Variants in NR2C2 observed in about 807,000 individuals in gnomAD.
NR2C2 encodes the protein nuclear receptor subfamily 2 group C member 2, also known as Nuclear hormone receptor TR4.
NR2C2 carries 6 observed loss-of-function variants against 62.9 expected under a neutral mutation model. That is an observed-to-expected ratio of 0.10 (90% CI 0.05 to 0.19). The LOEUF (loss-of-function observed/expected upper bound fraction) is 0.19. NR2C2 is among the 10% of genes least tolerant of loss of function. The pLI is 1.00. For missense variants in NR2C2, 479 were observed against 762.7 expected (o/e 0.63, Z 4.38); for synonymous variants, 272 against 273.8 (o/e 0.99, Z 0.07).
Position 15,038,149 on chromosome 3 carries a change from G to T in NR2C2, c.1510+12G>T, listed in dbSNP as rs769365377. On this transcript the variant is annotated intron_variant, in intron 12 of 13. Coordinates refer to ENST00000425241, the MANE Select transcript of NR2C2 (RefSeq NM_001291694.2). ...TCTCTTTAGCCCCGGTAAGATATGC[G>T]GTGGGGATGCATGACCCCTTTCCAC... 3.7e-6 allele frequency: 6 copies of T among 1,602,130 alleles called. No individual in the cohort carries two copies. The highest frequency in any genetic ancestry group is 5.1e-6 in the Non-Finnish European group (6 of 1,173,422).
intron 1 of NR2C2, among the ~76,000 whole-genome samples, chr3:14,965,522 CAAAAAAAAAAAAA>C (rs545143806): frequency 2.5e-5 from 2 of 79,674 alleles, no homozygotes; most frequent in African/African-American, 4.0e-5. Flanking sequence ...TTTCCCATGG[CAAAAAAAAAAAAA>C]AAAAAAAAAA....
At chr3:14,964,081 G>A (rs1054583602) in intron 1 of NR2C2, among the ~76,000 whole-genome samples, 2 of 152,052 alleles carry the variant, frequency 1.3e-5, no homozygotes, top group African/African-American at 4.8e-5. Context: ...GTTATCAGTG[G>A]GTTCTTGGAA....
At chr3:15,036,183 A>G (rs1363805166) in intron 11 of NR2C2, among the ~76,000 whole-genome samples, 1 of 151,998 alleles carries the variant, frequency 6.6e-6, no homozygotes, top group Non-Finnish European at 1.5e-5. Context: ...GAGCGAAACT[A>G]TTTCAAAACA....
intron 1 of NR2C2, among the ~76,000 whole-genome samples, chr3:14,984,740 G>A (rs1337695166): frequency 6.6e-6 from 1 of 152,036 alleles, no homozygotes; most frequent in East Asian, 1.9e-4. Context: ...AACTAAAGTT[G>A]CTGTGAACAT....
intron 2 of NR2C2, among the ~76,000 whole-genome samples, chr3:15,007,159 G>A (rs1192383215): frequency 7.9e-5 from 10 of 126,738 alleles, no homozygotes; most frequent in South Asian, 5.0e-4. Context: ...GCGGAGTCTC[G>A]CTCTGTCGCC....
intron 1 of NR2C2, among the ~76,000 whole-genome samples, chr3:14,950,995 A>G (rs970624535): frequency 2.6e-5 from 4 of 152,338 alleles, no homozygotes; most frequent in South Asian, 4.1e-4. Flanking sequence ...ACCCATTTCA[A>G]TAGTTTTTCC....
chr3:15,012,251 A>G (rs2041376892), intron 2 of NR2C2, among the ~76,000 whole-genome samples: 1 of 148,296 alleles, frequency 6.7e-6, no homozygotes, highest in Non-Finnish European at 1.5e-5. Context: ...TTGGAGACGG[A>G]GTTTCCCTTT....
chr3:14,996,417 C>G (rs2040833861), intron 1 of NR2C2, among the ~76,000 whole-genome samples: 1 of 152,154 alleles, frequency 6.6e-6, no homozygotes, highest in Non-Finnish European at 1.5e-5. Context: ...GAAAAATTTT[C>G]AGGTTTGTGA....
At chr3:15,030,594 A>G (rs1483137739) in intron 9 of NR2C2, 142 bp downstream of exon 9, 35 of 770,530 alleles carry the variant, frequency 4.5e-5, no homozygotes, top group Admixed American at 1.6e-4. Context: ...TCGGGAGGCC[A>G]AGGCACGTGG....
At chr3:14,973,180 G>A (rs1477582730) in intron 1 of NR2C2, among the ~76,000 whole-genome samples, 3 of 151,920 alleles carry the variant, frequency 2.0e-5, no homozygotes, top group African/African-American at 7.3e-5. Flanking sequence ...TGTACTTTTA[G>A]TGTCATAATC....
At chr3:15,005,122 A>C (rs116181831) in intron 2 of NR2C2, among the ~76,000 whole-genome samples, 1,657 of 152,098 alleles carry the variant, frequency 0.011, 26 homozygotes, top group African/African-American at 0.037. Context: ...CTTTGTCTGA[A>C]ATTACTATAG....
At chr3:14,979,754 A>C (rs1477374832) in intron 1 of NR2C2, among the ~76,000 whole-genome samples, 1 of 152,136 alleles carries the variant, frequency 6.6e-6, no homozygotes, top group Non-Finnish European at 1.5e-5. Flanking sequence ...GGAGGGAGGA[A>C]GAAGGTCATA....
intron 6 of NR2C2, 79 bp downstream of exon 6, chr3:15,023,426 T>C: frequency 6.6e-7 from 1 of 1,519,256 alleles, no homozygotes; most frequent in East Asian, 2.3e-5. Context: ...CAGGCACTGT[T>C]GTGGCTTCCC....
intron 5 of NR2C2, among the ~76,000 whole-genome samples, chr3:15,022,085 A>G (rs562555313): frequency 1.3e-5 from 2 of 152,362 alleles, no homozygotes; most frequent in South Asian, 2.1e-4. Flanking sequence ...CTGTAGCTGC[A>G]AACACAATAT....
intron 8 of NR2C2, among the ~76,000 whole-genome samples, chr3:15,029,812 G>GATAGATAGATAA (rs2041922621): frequency 1.6e-5 from 2 of 124,036 alleles, no homozygotes; most frequent in Admixed American, 1.6e-4. Flanking sequence ...TAGATAGATA[G>GATAGATAGATAA]ATAGATAGAT....
chr3:14,995,668 C>CGTGTGTGTGTGTGTGTGTGT (rs58878848), intron 1 of NR2C2, among the ~76,000 whole-genome samples: 5,238 of 148,546 alleles, frequency 0.035, 176 homozygotes, highest in East Asian at 0.084. Context: ...GTTTTCATTA[C>CGTGTGTGTGTGTGTGTGTGT]GTGTGTGTGT....
intron 11 of NR2C2, among the ~76,000 whole-genome samples, chr3:15,035,022 G>A (rs2042070302): frequency 6.6e-6 from 1 of 152,196 alleles, no homozygotes; most frequent in South Asian, 2.1e-4. Flanking sequence ...GCTGGGCATG[G>A]TGGCTCACGC....
chr3:15,034,025 G>A (rs918438760), intron 10 of NR2C2, among the ~76,000 whole-genome samples: 3 of 152,234 alleles, frequency 2.0e-5, no homozygotes, highest in African/African-American at 7.2e-5. Context: ...TGTCAAGACA[G>A]CCCAGTTTCT....
At chr3:14,959,293 G>GT (rs1182868897) in intron 1 of NR2C2, 1 of 152,010 alleles carries the variant, frequency 6.6e-6, no homozygotes, top group Admixed American at 6.6e-5. Context: ...TGAAGATTCT[G>GT]TTTTACTTCT....
Sources: allele counts gnomAD v4.1 joint callset (sites outside exome capture counted in the v4.1 genomes callset), GRCh38; gene constraint gnomAD v4.1.1; transcripts MANE v1.5; gene names NCBI Gene and HGNC (gene_info 2026-07-23, HGNC 2026-07-21).